The following TBK1 variants were observed in gnomAD, a reference collection of about 807,000 sequenced individuals.
TBK1 encodes the protein TANK binding kinase 1, also known as serine/threonine-protein kinase TBK1.
In TBK1, 37 loss-of-function variants were observed where a neutral mutation model predicts 99.9. That is an observed-to-expected ratio of 0.37 (90% confidence interval 0.28 to 0.49). The LOEUF (loss-of-function observed/expected upper bound fraction) is 0.49, where lower values mean the gene tolerates loss of function less well. TBK1 is among the 20% of genes least tolerant of loss of function. TBK1 has a pLI of 0.98. For missense variants in TBK1, 644 were observed against 872.5 expected (o/e 0.74, Z 3.30); for synonymous variants, 258 against 279.8 (o/e 0.92, Z 0.78).
At chr12:64,456,025 C>T in intron 2 of TBK1, 68 bp downstream of exon 2, 1 of 1,098,834 alleles carries the variant, frequency 9.1e-7, no homozygotes, top group South Asian at 1.4e-5. Context: ...TGCATGTTGA[C>T]ACTAAAGTGT....
intron 11 of TBK1, among the ~76,000 whole-genome samples, chr12:64,488,249 A>G (rs548493631): frequency 4.6e-5 from 7 of 152,346 alleles, no homozygotes; most frequent in African/African-American, 1.2e-4. Flanking sequence ...TGTAATTTTA[A>G]TACCTTAGGT....
Position 64,497,195 on chromosome 12 carries a change from C to A in TBK1, c.1895C>A (p.Ser632Ter). ...KMLHLRKQLL[S>*]LTNQCFDIEE... is the part of the protein sequence containing the mutation. The stretch of plus-strand genomic sequence containing the variant: ...CTTCATCTTAGGAAACAGTTATTAT[C>A]GCTGACTAATCAGTGTTTTGATATT... Residue 632 changes from serine (S) to a stop codon, truncating the protein, a stop_gained, in exon 18 of 21, where the codon TCG (serine) becomes TAG (stop). Coordinates refer to ENST00000331710, the MANE Select transcript of TBK1 (RefSeq NM_013254.4). LOFTEE classifies it high-confidence loss of function. The A allele has an allele frequency of 6.3e-7, 1 of 1,599,474 alleles. No homozygotes were observed. The highest frequency in any genetic ancestry group is 8.5e-7 in the Non-Finnish European group (1 of 1,171,336).
At chr12:64,476,538 C>G (rs377730542) in intron 6 of TBK1, among the ~76,000 whole-genome samples, 1 of 151,992 alleles carries the variant, frequency 6.6e-6, no homozygotes, top group African/African-American at 2.4e-5. Context: ...CTTGTTGATT[C>G]GTTTAAGTTC....
intron 5 of TBK1, among the ~76,000 whole-genome samples, chr12:64,470,446 A>G (rs2040651348): frequency 6.6e-6 from 1 of 152,322 alleles, no homozygotes; most frequent in African/African-American, 2.4e-5. Context: ...GTGATAACTC[A>G]TGTTGTATTA....
At chr12:64,473,463 A>G (rs541527675) in intron 5 of TBK1, among the ~76,000 whole-genome samples, 54 of 152,224 alleles carry the variant, frequency 3.5e-4, no homozygotes, top group Non-Finnish European at 6.5e-4. Context: ...GTAAGCAGAA[A>G]GTAATGAATC....
chr12:64,456,001 A>G (rs1294416750), intron 2 of TBK1, 44 bp downstream of exon 2: 1 of 1,420,016 alleles, frequency 7.0e-7, no homozygotes, highest in Non-Finnish European at 9.7e-7. Flanking sequence ...CACTGTATGT[A>G]TTTTGTTCTA....
At chr12:64,463,129 T>C (rs989024240) in intron 3 of TBK1, among the ~76,000 whole-genome samples, 1 of 152,136 alleles carries the variant, frequency 6.6e-6, no homozygotes, top group African/African-American at 2.4e-5. Flanking sequence ...CCCAGCACTT[T>C]GGGAGGCCGA....
chr12:64,490,145 T>C, intron 13 of TBK1, 26 bp downstream of exon 13: 5 of 1,534,672 alleles, frequency 3.3e-6, no homozygotes, highest in Non-Finnish European at 4.5e-6. Context: ...ATTACGAAAT[T>C]TGTAAGCTCA....
chr12:64,462,562 A>G (rs909409756), intron 3 of TBK1, among the ~76,000 whole-genome samples: 4 of 152,180 alleles, frequency 2.6e-5, no homozygotes, highest in Admixed American at 1.3e-4. Context: ...TCAACAATCA[A>G]CATACATTAT....
intron 5 of TBK1, among the ~76,000 whole-genome samples, chr12:64,473,000 A>C (rs946818295): frequency 6.6e-6 from 1 of 152,166 alleles, no homozygotes; most frequent in Non-Finnish European, 1.5e-5. Context: ...AGAGAATTTA[A>C]TTTCATTAAA....
Position 64,460,212 on chromosome 12 carries a change from C to T in TBK1, c.111C>T (p.Ile37=). The change falls in exon 3 of 21, where the codon ATC becomes ATT. Residue 37 remains isoleucine (I), a synonymous_variant. Transcript: ENST00000331710. Reference sequence around the variant, plus strand: ...AGAAAACTGGTGATTTATTTGCTATCAAAGTATTTAATAACATAAGCTTCC... The same window carrying T: ...AGAAAACTGGTGATTTATTTGCTATTAAAGTATTTAATAACATAAGCTTCC... ...RHKKTGDLFA[I]KVFNNISFLR... is the part of the protein sequence containing the mutation. 1 of 1,526,564 alleles carries T rather than the reference C, an allele frequency of 6.6e-7. No homozygotes were observed. The highest frequency in any genetic ancestry group is 2.3e-5 in the East Asian group (1 of 42,662). The allele number at this position is 1,526,564 out of a possible 1,614,324, so 94.6% of individuals were successfully genotyped here. A position where few individuals can be genotyped will look rare whatever the true frequency, so the allele number is the denominator to read the frequency against.
At chr12:64,488,837 C>T (rs1184079400) in intron 12 of TBK1, among the ~76,000 whole-genome samples, 1 of 152,080 alleles carries the variant, frequency 6.6e-6, no homozygotes, top group Non-Finnish European at 1.5e-5. Context: ...ACTAAAAATA[C>T]AAACATTAGT....
intron 6 of TBK1, among the ~76,000 whole-genome samples, chr12:64,475,218 T>G (rs958644995): frequency 6.6e-6 from 1 of 152,234 alleles, no homozygotes; most frequent in African/African-American, 2.4e-5. Context: ...ACACTTGATA[T>G]ATTTTACTAG....
chr12:64,476,317 C>T (rs1359640429), intron 6 of TBK1, among the ~76,000 whole-genome samples: 2 of 151,684 alleles, frequency 1.3e-5, no homozygotes, highest in Non-Finnish European at 2.9e-5. Context: ...GCCACCACAC[C>T]CGGCTAATTT....
At chr12:64,472,904 G>A (rs1403975281) in intron 5 of TBK1, among the ~76,000 whole-genome samples, 1 of 152,204 alleles carries the variant, frequency 6.6e-6, no homozygotes, top group Non-Finnish European at 1.5e-5. Flanking sequence ...CAAGCTTGGT[G>A]TAATATGTCC....
At chr12:64,500,507 A>G (rs2040977775) in intron 20 of TBK1, among the ~76,000 whole-genome samples, 1 of 152,040 alleles carries the variant, frequency 6.6e-6, no homozygotes. Context: ...TGTCATGGGT[A>G]TTACAGCCAA....
intron 3 of TBK1, among the ~76,000 whole-genome samples, chr12:64,463,713 AG>A (rs1251720405): frequency 3.5e-4 from 53 of 150,146 alleles, no homozygotes; most frequent in African/African-American, 1.2e-3. Context: ...AAAAAAAAAA[AG>A]AAAGGAATTT....
chr12:64,486,587 A>G (rs976753941), intron 11 of TBK1, among the ~76,000 whole-genome samples: 6 of 150,928 alleles, frequency 4.0e-5, no homozygotes, highest in Non-Finnish European at 7.4e-5. Flanking sequence ...GGCATGCCCC[A>G]CCACACCCAG....
rs185739634 is a variant in TBK1 at position 64,463,018 on chromosome 12, A to G, written c.229-1316A>G. Among the ~76,000 whole-genome samples the G allele has an allele frequency of 2.9e-3, 447 of 152,320 alleles. 1 individual carries two copies. Among genetic ancestry groups the G allele is most frequent in the African/African-American group, 0.01 (422 of 41,580 alleles). ...ATTCCTTGAAGTAACAGTAGTCATC[A>G]TAAGAAAAATTTCATTTTAAGAGGT... On this transcript the variant is annotated intron_variant, in intron 3 of 20. Transcript: ENST00000331710.
Sources: gnomAD v4.1 joint callset for allele counts (sites outside exome capture counted in the v4.1 genomes callset) on GRCh38, gnomAD v4.1.1 for gene constraint, MANE v1.5 for transcripts, NCBI Gene and HGNC (gene_info 2026-07-23, HGNC 2026-07-21) for gene names.